TOP6BL: variants seen among roughly 807,000 people sequenced by gnomAD.
The protein encoded by TOP6BL is TOP6B like initiator of meiotic double strand breaks.
the TOP6BL span, chr11:66,762,337 GGT>G: frequency 2.5e-6 from 1 of 392,302 alleles, no homozygotes; most frequent in African/African-American, 2.2e-5. Context: ...GGGCCCCGGG[GGT>G]GTGGAAGCCG....
At chr11:66,836,728 T>C in the TOP6BL span, among the ~76,000 whole-genome samples, 1,280 of 111,902 alleles carry the variant, frequency 0.011, 20 homozygotes, top group African/African-American at 0.041. Context: ...TGAGATGGAG[T>C]CTTGCCCTGC....
the TOP6BL span, among the ~76,000 whole-genome samples, chr11:66,806,052 G>A: frequency 6.6e-6 from 1 of 152,226 alleles, no homozygotes; most frequent in Non-Finnish European, 1.5e-5. Flanking sequence ...TTTGAACATA[G>A]TAAGGAGCTA....
chr11:66,753,686 G>A, the TOP6BL span, among the ~76,000 whole-genome samples: 37 of 151,168 alleles, frequency 2.4e-4, no homozygotes, highest in Non-Finnish European at 4.1e-4. Flanking sequence ...CATTACAGGC[G>A]TGAGCCACCG....
the TOP6BL span, among the ~76,000 whole-genome samples, chr11:66,762,768 C>G: frequency 1.3e-5 from 2 of 152,188 alleles, no homozygotes; most frequent in African/African-American, 4.8e-5. Flanking sequence ...CGCGCCCGGC[C>G]AATACCTTTC....
chr11:66,828,990 G>C, the TOP6BL span, among the ~76,000 whole-genome samples: 7 of 89,154 alleles, frequency 7.9e-5, no homozygotes, highest in Admixed American at 8.4e-4. Context: ...TTTTTTTTTT[G>C]AGATGGAGTC....
At chr11:66,802,831 A>G in the TOP6BL span, among the ~76,000 whole-genome samples, 1 of 152,214 alleles carries the variant, frequency 6.6e-6, no homozygotes, top group African/African-American at 2.4e-5. Context: ...CAATCCTTAC[A>G]GGTAGCAGCT....
the TOP6BL span, among the ~76,000 whole-genome samples, chr11:66,829,908 TAATA>T: frequency 6.6e-6 from 1 of 151,926 alleles, no homozygotes; most frequent in East Asian, 1.9e-4. Flanking sequence ...AATAAATAAA[TAATA>T]AATAAACAAA....
At chr11:66,790,104 C>G in the TOP6BL span, among the ~76,000 whole-genome samples, 1 of 152,022 alleles carries the variant, frequency 6.6e-6, no homozygotes, top group Non-Finnish European at 1.5e-5. Flanking sequence ...AATCCCGTCT[C>G]TACAAAAAAT....
chr11:66,757,616 C>T, the TOP6BL span, among the ~76,000 whole-genome samples: 2 of 151,990 alleles, frequency 1.3e-5, no homozygotes, highest in African/African-American at 4.8e-5. Flanking sequence ...GACAGAGTTT[C>T]GCTCTTGTTG....
At chr11:66,761,619 TG>T in the TOP6BL span, 1 of 1,206,848 alleles carries the variant, frequency 8.3e-7, no homozygotes, top group Non-Finnish European at 1.1e-6. Context: ...AGAAAAGTAA[TG>T]TACGCCTGGT....
chr11:66,799,252 G>GGC, the TOP6BL span, among the ~76,000 whole-genome samples: 2 of 151,672 alleles, frequency 1.3e-5, no homozygotes, highest in African/African-American at 4.8e-5. Context: ...TGGGCATGGT[G>GGC]GCGCGTGCCT....
the TOP6BL span, among the ~76,000 whole-genome samples, chr11:66,792,828 T>G: frequency 6.6e-6 from 1 of 152,208 alleles, no homozygotes; most frequent in Admixed American, 6.5e-5. Flanking sequence ...GCCCTCTCTA[T>G]GATACGCCCT....
chr11:66,787,750 G>A, the TOP6BL span, among the ~76,000 whole-genome samples: 1 of 150,708 alleles, frequency 6.6e-6, no homozygotes, highest in Non-Finnish European at 1.5e-5. Context: ...ATGCCTGAGA[G>A]TCATTCTTGA....
chr11:66,803,970 AT>A, the TOP6BL span: 1 of 1,562,438 alleles, frequency 6.4e-7, no homozygotes. Context: ...AAAATGTTAA[AT>A]TTGACTTGTC....
At chr11:66,749,321 G>A in the TOP6BL span, among the ~76,000 whole-genome samples, 1 of 152,166 alleles carries the variant, frequency 6.6e-6, no homozygotes, top group Admixed American at 6.6e-5. Flanking sequence ...CCACTCTTGA[G>A]AGAAATGCTT....
the TOP6BL span, chr11:66,796,087 T>C: frequency 7.4e-6 from 4 of 540,524 alleles, no homozygotes; most frequent in South Asian, 2.6e-5. Flanking sequence ...GTGTAATAGA[T>C]ACTCTAACCC....
the TOP6BL span, among the ~76,000 whole-genome samples, chr11:66,777,644 A>C: frequency 2.0e-5 from 3 of 152,140 alleles, no homozygotes; most frequent in African/African-American, 7.2e-5. Flanking sequence ...TGATCCCAGC[A>C]CTTTGGGAGG....
the TOP6BL span, among the ~76,000 whole-genome samples, chr11:66,806,189 G>A: frequency 3.9e-5 from 6 of 152,154 alleles, no homozygotes; most frequent in Non-Finnish European, 8.8e-5. Flanking sequence ...GAGTGTAAAT[G>A]TTGGATTCAC....
chr11:66,754,738 A>G, the TOP6BL span, among the ~76,000 whole-genome samples: 2 of 152,188 alleles, frequency 1.3e-5, no homozygotes, highest in Non-Finnish European at 2.9e-5. Flanking sequence ...GGTATTGGGT[A>G]TCTCAGCATT....
Sources: allele counts gnomAD v4.1 joint callset (sites outside exome capture counted in the v4.1 genomes callset), GRCh38; gene constraint gnomAD v4.1.1; transcripts MANE v1.5; gene names NCBI Gene and HGNC (gene_info 2026-07-23, HGNC 2026-07-21).